MTDH: variants seen among roughly 807,000 people sequenced by gnomAD.
MTDH encodes the protein metadherin, also known as protein LYRIC.
Under a neutral mutation model 72.7 loss-of-function variants are expected in MTDH, and 34 were observed. That is an observed-to-expected ratio of 0.47 (90% CI 0.36 to 0.62). The LOEUF (loss-of-function observed/expected upper bound fraction) is 0.62, where lower values mean the gene tolerates loss of function less well. Ranked by LOEUF, MTDH falls within the 20% of genes least tolerant of loss-of-function variation. The pLI is 0.00. For synonymous variants in MTDH, 266 were observed against 268.9 expected, an observed-to-expected ratio of 0.99 and a Z score of 0.10; for missense variants, 677 against 699.4, an observed-to-expected ratio of 0.97 and a Z score of 0.36.
At position 97,654,752 on chromosome 8, in the gene MTDH, T is replaced by C. The variant is rs116536396; in HGVS notation, c.382-6320T>C. ...TTTTTTATGATGAGGATTATATATA[T>C]ACACACACACACACAATGCCTCCTG... On this transcript the variant is annotated intron_variant, in intron 1 of 11. Coordinates refer to ENST00000336273, the MANE Select transcript of MTDH (RefSeq NM_178812.4). Among the ~76,000 whole-genome samples the C allele has an allele frequency of 7.9e-3, 1,204 of 151,562 alleles. 14 individuals are homozygous for C. Among genetic ancestry groups the C allele is most frequent in the African/African-American group, 0.027 (1,101 of 41,360 alleles).
chr8:97,671,982 G>A (rs552961456), intron 2 of MTDH, among the ~76,000 whole-genome samples: 120 of 152,276 alleles, frequency 7.9e-4, no homozygotes, highest in African/African-American at 2.7e-3. Flanking sequence ...TAATTTTGAG[G>A]TAACATGCAT....
At chr8:97,704,261 T>C (rs1397109963) in intron 7 of MTDH, among the ~76,000 whole-genome samples, 5 of 152,232 alleles carry the variant, frequency 3.3e-5, no homozygotes, top group African/African-American at 1.2e-4. Flanking sequence ...CACCCCTGAA[T>C]AGACAGACTA....
chr8:97,687,483 A>T lies in MTDH; in HGVS notation c.623A>T (p.Asp208Val). 6.2e-7 allele frequency: 1 copy of T among 1,613,402 alleles called. No individual in the cohort carries two copies. The highest frequency in any genetic ancestry group is 8.5e-7 in the Non-Finnish European group (1 of 1,179,672). Reference sequence around the variant, plus strand: ...GAGAAACGACAGCAGCGTAAACGTGATAAGGTGCTGACTGATTCTGGTTCA... The same window carrying T: ...GAGAAACGACAGCAGCGTAAACGTGTTAAGGTGCTGACTGATTCTGGTTCA... ...HREKRQQRKRDKVLTDSGSLD... is the reference protein window; with the variant it reads ...HREKRQQRKRVKVLTDSGSLD... Residue 208 changes from aspartate (D) to valine (V), a missense_variant, in exon 4 of 12, where the codon GAT becomes GTT. Around this residue, in one of 3 missense-constraint regions of MTDH, gnomAD observed 467 missense variants for 469.1 expected, o/e 1.00. Coordinates refer to ENST00000336273, the MANE Select transcript of MTDH (RefSeq NM_178812.4).
chr8:97,715,735 T>G (rs1365181524), intron 9 of MTDH, among the ~76,000 whole-genome samples: 2 of 152,246 alleles, frequency 1.3e-5, no homozygotes, highest in African/African-American at 4.8e-5. Context: ...AAGTTTTTCT[T>G]GAATTTCTTT....
intron 2 of MTDH, among the ~76,000 whole-genome samples, chr8:97,680,039 A>G (rs562049958): frequency 6.6e-6 from 1 of 152,268 alleles, no homozygotes; most frequent in African/African-American, 2.4e-5. Flanking sequence ...GGTGGATCTA[A>G]TGATTATTTA....
intron 1 of MTDH, among the ~76,000 whole-genome samples, chr8:97,660,693 T>C (rs1812140118): frequency 6.6e-6 from 1 of 152,164 alleles, no homozygotes; most frequent in Admixed American, 6.5e-5. Flanking sequence ...TACCTGTCAC[T>C]TTATAGATGT....
At chr8:97,724,069 AT>A (rs1815259302) in intron 11 of MTDH, among the ~76,000 whole-genome samples, 1 of 152,230 alleles carries the variant, frequency 6.6e-6, no homozygotes, top group Non-Finnish European at 1.5e-5. Context: ...AGATTGCGCC[AT>A]TGCACTCCAG....
chr8:97,722,937 G>A lies in MTDH; in HGVS notation c.1580G>A (p.Ser527Asn). 4 of 1,614,030 alleles carry A rather than the reference G, an allele frequency of 2.5e-6. No homozygotes were observed. The highest frequency in any genetic ancestry group is 3.4e-6 in the Non-Finnish European group (4 of 1,179,962). Reference sequence around the variant, plus strand: ...GAGCCATCTGTAATCTTATCAAAAAGTGATTCTGACAAGAGCTCTTCCCAA... The same window carrying A: ...GAGCCATCTGTAATCTTATCAAAAAATGATTCTGACAAGAGCTCTTCCCAA... ...STEPSVILSK[S>N]DSDKSSSQVP... The change falls in exon 11 of 12, where the codon AGT becomes AAT. Residue 527 changes from serine (S) to asparagine (N), a missense_variant. Around this residue, in one of 3 missense-constraint regions of MTDH, gnomAD observed 201 missense variants for 204.5 expected, o/e 0.98. Transcript: ENST00000336273.
rs1811472500 is a variant in MTDH, at chr8:97,644,427, C to G, written c.-80C>G. 1 of 1,487,670 alleles carries G rather than the reference C, an allele frequency of 6.7e-7. No homozygotes were observed. The allele number at this position is 1,487,670 out of a possible 1,614,324, so 92.2% of individuals were successfully genotyped here. A position where few individuals can be genotyped will look rare whatever the true frequency, so the allele number is the denominator to read the frequency against. ...TCGGCCTGAGGTTACCCGGCCCGGC[C>G]CTTCCTCGCTTCCCTCGACTATTCC... On this transcript the variant is annotated 5_prime_UTR_variant, in exon 1 of 12. Transcript: ENST00000336273.
chr8:97,691,921 C>T (rs150433273), intron 6 of MTDH, among the ~76,000 whole-genome samples: 304 of 151,998 alleles, frequency 2.0e-3, no homozygotes, highest in African/African-American at 7.1e-3. Context: ...GCTCTGTCTC[C>T]CAGGCTGGAG....
At chr8:97,647,980 G>T (rs1811628590) in intron 1 of MTDH, among the ~76,000 whole-genome samples, 1 of 150,646 alleles carries the variant, frequency 6.6e-6, no homozygotes, top group Non-Finnish European at 1.5e-5. Context: ...GTAGATTCCT[G>T]ATCTCTGATC....
At chr8:97,679,038 A>G (rs1812965959) in intron 2 of MTDH, among the ~76,000 whole-genome samples, 1 of 152,172 alleles carries the variant, frequency 6.6e-6, no homozygotes, top group Non-Finnish European at 1.5e-5. Flanking sequence ...TTTCTAACAG[A>G]AAAATAGCCT....
At chr8:97,695,149 C>T (rs1489455180) in intron 6 of MTDH, among the ~76,000 whole-genome samples, 1 of 150,438 alleles carries the variant, frequency 6.6e-6, no homozygotes, top group Non-Finnish European at 1.5e-5. Flanking sequence ...TGTTCTGTCA[C>T]CCAGGCTGGA....
chr8:97,681,635 A>C (rs1011834949), intron 2 of MTDH, among the ~76,000 whole-genome samples: 4 of 151,650 alleles, frequency 2.6e-5, no homozygotes, highest in African/African-American at 9.7e-5. Context: ...CTGTGATTAC[A>C]GGCATGCACC....
chr8:97,673,998 T>C (rs184148512), intron 2 of MTDH, among the ~76,000 whole-genome samples: 9 of 151,106 alleles, frequency 6.0e-5, no homozygotes, highest in Non-Finnish European at 1.0e-4. Context: ...TCAAAAAAAA[T>C]TTTTTTAATT....
At position 97,713,699 on chromosome 8, in the gene MTDH, T is replaced by C. The variant is rs145881524; in HGVS notation, c.1310T>C (p.Leu437Pro). 912 of 1,608,744 alleles carry C rather than the reference T, an allele frequency of 5.7e-4. 1 individual carries two copies. Among genetic ancestry groups the C allele is most frequent in the Non-Finnish European group, 7.4e-4 (876 of 1,178,208 alleles). The change falls in exon 9 of 12, where the codon CTT (leucine) becomes CCT (proline). Residue 437 changes from leucine to proline, a missense_variant. Coordinates refer to ENST00000336273, the MANE Select transcript of MTDH (RefSeq NM_178812.4). ...GATAAAGAAAAGGGAGAGGGAGCTC[T>C]TCCAACTGGGAAATCCAAAAAGAAA... ...DDDKEKGEGA[L>P]PTGKSKKKKK...
At chr8:97,679,731 T>A (rs1294475788) in intron 2 of MTDH, among the ~76,000 whole-genome samples, 1 of 152,224 alleles carries the variant, frequency 6.6e-6, no homozygotes. Flanking sequence ...ACAAATATCT[T>A]GGGGTATATG....
At chr8:97,682,890 A>T (rs1437989140) in intron 2 of MTDH, among the ~76,000 whole-genome samples, 1 of 151,972 alleles carries the variant, frequency 6.6e-6, no homozygotes, top group Admixed American at 6.6e-5. Flanking sequence ...GTTTAGAATG[A>T]TTTAGCCCAA....
chr8:97,650,312 T>A (rs952963806), intron 1 of MTDH, among the ~76,000 whole-genome samples: 1 of 151,904 alleles, frequency 6.6e-6, no homozygotes, highest in Non-Finnish European at 1.5e-5. Flanking sequence ...TCTGGCTGTG[T>A]CAACCAGGCT....
Sources: allele counts gnomAD v4.1 joint callset (sites outside exome capture counted in the v4.1 genomes callset), GRCh38; gene constraint gnomAD v4.1.1; regional missense constraint gnomAD v4.1.1; transcripts MANE v1.5; gene names NCBI Gene and HGNC (gene_info 2026-07-23, HGNC 2026-07-21).